The following ADGRG3 variants were observed in gnomAD, a reference collection of about 807,000 sequenced individuals.
The protein encoded by ADGRG3 is G protein-coupled receptor 97.
A neutral mutation model predicts 54.3 loss-of-function variants in ADGRG3; 39 were observed. That is an observed-to-expected ratio of 0.72 (90% CI 0.56 to 0.94). The LOEUF (loss-of-function observed/expected upper bound fraction) is 0.94. Among genes scored for constraint, ADGRG3 ranks in the 40% least tolerant of loss-of-function variants. ADGRG3 has a pLI of 0.00. For missense variants in ADGRG3, 654 were observed against 694.6 expected, an observed-to-expected ratio of 0.94 and a Z score of 0.66; for synonymous variants, 312 against 290.0, an observed-to-expected ratio of 1.08 and a Z score of -0.77.
Position 57,673,450 on chromosome 16 carries a change from A to G in ADGRG3, c.188A>G (p.Asn63Ser). The G allele has an allele frequency of 6.2e-7, 1 of 1,606,942 alleles. No individual in the cohort carries two copies. The change falls in exon 2 of 12, where the codon AAT becomes AGT. Residue 63 changes from asparagine (N) to serine (S), a missense_variant. Physicochemically the swap from Asn to Ser is conservative, Grantham distance 46. Transcript: ENST00000333493. ...AGGCAGTCGGGCAGCGACTCCTGCA[A>G]TGTGGAAAACTTGCAGAGGTGAGGG... is the stretch of plus-strand genomic sequence containing the variant. The part of the protein sequence containing the change: ...KCRQSGSDSC[N>S]VENLQRYWLN...
intron 8 of ADGRG3, among the ~76,000 whole-genome samples, chr16:57,682,096 T>C (rs1424688117): frequency 1.3e-5 from 2 of 152,232 alleles, no homozygotes; most frequent in Non-Finnish European, 2.9e-5. Flanking sequence ...CCCTGACTTA[T>C]GAGAGTGGGG....
chr16:57,675,524 G>A (rs576184742), intron 2 of ADGRG3, among the ~76,000 whole-genome samples: 1 of 152,078 alleles, frequency 6.6e-6, no homozygotes, highest in Non-Finnish European at 1.5e-5. Context: ...CCAGCTCCTC[G>A]GGAGGCTGAG....
At chr16:57,676,142 T>A (rs1310249207) in intron 2 of ADGRG3, 58 bp from the exon 3 acceptor site, 5 of 1,531,858 alleles carry the variant, frequency 3.3e-6, no homozygotes, top group African/African-American at 2.7e-5. Context: ...AGGAGCCTGA[T>A]GAGTGAGTAA....
At chr16:57,679,083 G>A in intron 4 of ADGRG3, 94 bp from the exon 5 acceptor site, 1 of 1,464,336 alleles carries the variant, frequency 6.8e-7, no homozygotes, top group Non-Finnish European at 9.4e-7. Context: ...CCAAGCAAAG[G>A]CCATGGGTTC....
At chr16:57,682,619 A>G (rs1237913426) in intron 8 of ADGRG3, 1 of 985,346 alleles carries the variant, frequency 1.0e-6, no homozygotes, top group African/African-American at 1.7e-5. Flanking sequence ...GGGGCCTGGC[A>G]TCTCAGGTGA....
chr16:57,683,980 G>A lies in ADGRG3; in HGVS notation c.930G>A (p.Val310=). The A allele has an allele frequency of 1.9e-6, 3 of 1,595,484 alleles. No homozygotes were observed. The highest frequency in any genetic ancestry group is 2.2e-5 in the East Asian group (1 of 44,558). Residue 310 remains valine, a synonymous_variant, in exon 9 of 12, where the codon GTG becomes GTA. Coordinates refer to ENST00000333493, the MANE Select transcript of ADGRG3 (RefSeq NM_170776.5). ...CAGAAGATGCCCCAAAGATCCACGT[G>A]GCCCTGGGTGGCAGCCTGTTCCTCC... ...FKSEDAPKIH[V]ALGGSLFLLN...
chr16:57,674,995 C>CA (rs34536208), intron 2 of ADGRG3, among the ~76,000 whole-genome samples: 2,741 of 48,830 alleles, frequency 0.056, 361 homozygotes, highest in African/African-American at 0.15. Flanking sequence ...GACTCCATCT[C>CA]AAAAAAAAAA....
rs1042561897 is a variant in ADGRG3 at position 57,685,854 on chromosome 16, T to A, written c.1468T>A (p.Trp490Arg). 1.2e-6 allele frequency: 2 copies of A among 1,614,062 alleles called. No individual in the cohort carries two copies. Among genetic ancestry groups the A allele is most frequent in the Non-Finnish European group, 1.7e-6 (2 of 1,179,974 alleles). Residue 490 changes from tryptophan (W) to arginine (R), a missense_variant, in exon 11 of 12, where the codon TGG becomes AGG. Coordinates refer to ENST00000333493, the MANE Select transcript of ADGRG3 (RefSeq NM_170776.5). ...CCTCTCGAGCCTGGTGGGTGTGACATGGGGGTTGGCCATCTTCACCCCGTT... is the reference window on the plus strand; with the variant it reads ...CCTCTCGAGCCTGGTGGGTGTGACAAGGGGGTTGGCCATCTTCACCCCGTT... Reference protein sequence around the residue: ...LGLSSLVGVTWGLAIFTPLGL... With the variant: ...LGLSSLVGVTRGLAIFTPLGL...
chr16:57,685,282 A>G (rs1269151651), intron 10 of ADGRG3, among the ~76,000 whole-genome samples: 1 of 152,236 alleles, frequency 6.6e-6, no homozygotes, highest in Non-Finnish European at 1.5e-5. Flanking sequence ...CCATCTAATT[A>G]GCGGTCAGTT....
rs769966534 is a variant in ADGRG3 at position 57,680,628 on chromosome 16, C to T, written c.881+11C>T. 1 of 1,541,974 alleles carries T rather than the reference C, an allele frequency of 6.5e-7. No individual in the cohort carries two copies. The highest frequency in any genetic ancestry group is 1.7e-5 in the Admixed American group (1 of 59,902). ...TTATGCCTTTCTGAGGTGAGTGATCCCCACCTCCCCACCATGTCTCCCTCC... is the reference window on the plus strand; with the variant it reads ...TTATGCCTTTCTGAGGTGAGTGATCTCCACCTCCCCACCATGTCTCCCTCC... On this transcript the variant is annotated intron_variant, in intron 8 of 11. Coordinates refer to ENST00000333493, the MANE Select transcript of ADGRG3 (RefSeq NM_170776.5).
Position 57,669,839 on chromosome 16 carries a change from T to C in ADGRG3, c.58+1434T>C, listed in dbSNP as rs558906077. Reference sequence around the variant, plus strand: ...GGGCTCGCATGTGAGACCCAGCTGTTAGGGCTGAGCAAGGGGTGGATGCAA... The same window carrying C: ...GGGCTCGCATGTGAGACCCAGCTGTCAGGGCTGAGCAAGGGGTGGATGCAA... On this transcript the variant is annotated intron_variant, in intron 1 of 11. Coordinates refer to ENST00000333493, the MANE Select transcript of ADGRG3 (RefSeq NM_170776.5). Among the ~76,000 whole-genome samples, 468 of 152,204 alleles carry C rather than the reference T, an allele frequency of 3.1e-3. 5 individuals carry two copies. The highest frequency in any genetic ancestry group is 2.2e-3 in the Non-Finnish European group (148 of 68,006).
chr16:57,684,158 G>A lies in ADGRG3; in HGVS notation c.1108G>A (p.Val370Ile), dbSNP rs555615396. 15 of 1,614,034 alleles carry A rather than the reference G, an allele frequency of 9.3e-6. No individual in the cohort carries two copies. In the East Asian group the frequency reaches 2.9e-4, roughly 31 times the overall value. The change falls in exon 9 of 12, where the codon GTC becomes ATC. Residue 370 changes from valine (V) to isoleucine (I), a missense_variant. Physicochemically the swap from Val to Ile is conservative, Grantham distance 29. Coordinates refer to ENST00000333493, the MANE Select transcript of ADGRG3 (RefSeq NM_170776.5). ...AFHLYLLAVRVFNTYFGHYFL... is the reference protein window; with the variant it reads ...AFHLYLLAVRIFNTYFGHYFL... ...CCACCTCTACCTGCTCGCTGTCAGGGTCTTCAACACCTACTTCGGGCACTA... is the reference window on the plus strand; with the variant it reads ...CCACCTCTACCTGCTCGCTGTCAGGATCTTCAACACCTACTTCGGGCACTA...
intron 8 of ADGRG3, chr16:57,682,421 C>G: frequency 2.2e-6 from 2 of 929,638 alleles, no homozygotes; most frequent in Non-Finnish European, 2.6e-6. Flanking sequence ...CCAACTAGGC[C>G]CACCCAATCC....
chr16:57,670,108 G>A (rs1283544507), intron 1 of ADGRG3, among the ~76,000 whole-genome samples: 3 of 152,190 alleles, frequency 2.0e-5, no homozygotes, highest in African/African-American at 7.2e-5. Context: ...GGGGGCAAAT[G>A]CCCACTCTGC....
chr16:57,680,692 T>A (rs1405392540), intron 8 of ADGRG3, 75 bp downstream of exon 8: 1 of 1,015,282 alleles, frequency 9.8e-7, no homozygotes, highest in African/African-American at 1.6e-5. Flanking sequence ...TGGGAAGCAT[T>A]CAGGTTGTGC....
At chr16:57,666,416 T>A (rs949523276), upstream of ADGRG3, among the ~76,000 whole-genome samples, 1 of 152,230 alleles carries the variant, frequency 6.6e-6, no homozygotes, top group African/African-American at 2.4e-5. Context: ...TATCATGCAC[T>A]TTCCCAGGCT....
At position 57,688,371 on chromosome 16, in the gene ADGRG3, G is replaced by T; in HGVS notation, c.1560G>T (p.Trp520Cys). 3.1e-6 allele frequency: 5 copies of T among 1,612,774 alleles called. No individual in the cohort carries two copies. Among genetic ancestry groups the T allele is most frequent in the Non-Finnish European group, 4.2e-6 (5 of 1,178,918 alleles). The change falls in exon 12 of 12, where the codon TGG (tryptophan) becomes TGT (cysteine). Residue 520 changes from tryptophan to cysteine, a missense_variant. Trp to Cys is a radical substitution (Grantham distance 215). Coordinates refer to ENST00000333493, the MANE Select transcript of ADGRG3 (RefSeq NM_170776.5). The stretch of plus-strand genomic sequence containing the variant: ...TAACAGGTGTCTTCATCTGCTGCTG[G>T]TTCACCATCCTTTACCTCCCAAGTC... ...NSLQGVFICC[W>C]FTILYLPSQS...
At chr16:57,681,487 G>A (rs958712007) in intron 8 of ADGRG3, among the ~76,000 whole-genome samples, 3 of 152,132 alleles carry the variant, frequency 2.0e-5, no homozygotes, top group Non-Finnish European at 2.9e-5. Context: ...TTGGGAGGCC[G>A]AGGCAGGTAG....
chr16:57,672,013 A>G (rs1484926614), intron 1 of ADGRG3, among the ~76,000 whole-genome samples: 1 of 151,458 alleles, frequency 6.6e-6, no homozygotes, highest in African/African-American at 2.4e-5. Context: ...AAAATAAACA[A>G]CATAAAAAAA....
Sources: gnomAD v4.1 joint callset for allele counts (sites outside exome capture counted in the v4.1 genomes callset) on GRCh38, gnomAD v4.1.1 for gene constraint, MANE v1.5 for transcripts, NCBI Gene and HGNC (gene_info 2026-07-23, HGNC 2026-07-21) for gene names.